The following PLCB1 variants were observed in gnomAD, a reference collection of about 807,000 sequenced individuals.
The protein encoded by PLCB1 is 1-phosphatidylinositol 4,5-bisphosphate phosphodiesterase beta-1.
Under a neutral mutation model 161.8 loss-of-function variants are expected in PLCB1, and 46 were observed. The observed-to-expected ratio is 0.28, with a 90% CI of 0.22 to 0.36. The LOEUF (loss-of-function observed/expected upper bound fraction) is 0.36. Ranked by LOEUF, PLCB1 falls within the 10% of genes least tolerant of loss-of-function variation. PLCB1 has a pLI of 1.00. For synonymous variants in PLCB1, 517 were observed against 503.7 expected (o/e 1.03, Z -0.35); for missense variants, 1,016 against 1,472.5 (o/e 0.69, Z 5.07).
At chr20:8,806,412 A>G (rs1984540212) in intron 31 of PLCB1, among the ~76,000 whole-genome samples, 1 of 152,126 alleles carries the variant, frequency 6.6e-6, no homozygotes, top group Non-Finnish European at 1.5e-5. Context: ...CTAAAGCAGC[A>G]GGATTGAGGA....
intron 3 of PLCB1, among the ~76,000 whole-genome samples, chr20:8,605,227 A>G (rs569685467): frequency 3.3e-4 from 50 of 152,292 alleles, no homozygotes; most frequent in African/African-American, 1.1e-3. Context: ...TCACACATAT[A>G]TAGAGTACAG....
intron 31 of PLCB1, among the ~76,000 whole-genome samples, chr20:8,843,066 G>A (rs151239924): frequency 5.9e-5 from 9 of 152,316 alleles, no homozygotes; most frequent in Non-Finnish European, 1.3e-4. Context: ...CTTTGCAATT[G>A]AGAGTAATGG....
intron 3 of PLCB1, among the ~76,000 whole-genome samples, chr20:8,473,627 C>T (rs1982149322): frequency 6.6e-6 from 1 of 152,160 alleles, no homozygotes; most frequent in Non-Finnish European, 1.5e-5. Context: ...TGCCACAGCT[C>T]TAGTGCAATA....
At chr20:8,874,804 A>G (rs566271910) in intron 31 of PLCB1, among the ~76,000 whole-genome samples, 6 of 152,014 alleles carry the variant, frequency 3.9e-5, no homozygotes, top group Admixed American at 1.3e-4. Flanking sequence ...TACAAAAATA[A>G]ATATCTTAGT....
At chr20:8,724,017 C>T (rs974050557) in intron 15 of PLCB1, among the ~76,000 whole-genome samples, 28 of 151,370 alleles carry the variant, frequency 1.8e-4, no homozygotes, top group Admixed American at 1.7e-3. Flanking sequence ...TTTACGAATC[C>T]GATGAGAACA....
intron 2 of PLCB1, among the ~76,000 whole-genome samples, chr20:8,191,867 A>T (rs2051974251): frequency 6.6e-6 from 1 of 151,964 alleles, no homozygotes; most frequent in Non-Finnish European, 1.5e-5. Context: ...TCCAAAGGTG[A>T]TGATTACTGG....
intron 2 of PLCB1, among the ~76,000 whole-genome samples, chr20:8,177,214 A>G (rs1451684346): frequency 6.6e-6 from 1 of 152,140 alleles, no homozygotes; most frequent in East Asian, 1.9e-4. Context: ...TGCCCTCATG[A>G]ATGGGATTTT....
intron 31 of PLCB1, among the ~76,000 whole-genome samples, chr20:8,818,957 A>AG (rs1443018182): frequency 6.6e-6 from 1 of 152,038 alleles, no homozygotes; most frequent in Non-Finnish European, 1.5e-5. Flanking sequence ...AAAAAAAAAA[A>AG]AAAGTTCTCC....
At chr20:8,547,227 C>T (rs955378584) in intron 3 of PLCB1, among the ~76,000 whole-genome samples, 3 of 152,188 alleles carry the variant, frequency 2.0e-5, no homozygotes, top group Admixed American at 6.5e-5. Flanking sequence ...TGTCATCTTA[C>T]GGCTCGCTCT....
At chr20:8,788,804 C>A in intron 29 of PLCB1, 82 bp downstream of exon 29, 1 of 834,810 alleles carries the variant, frequency 1.2e-6, no homozygotes, top group Non-Finnish European at 1.9e-6. Context: ...GGTTCATAAC[C>A]AGTCAAAGAC....
chr20:8,774,550 G>A lies in PLCB1; in HGVS notation c.2942G>A (p.Ser981Asn), dbSNP rs779771720. Reference sequence around the variant, plus strand: ...CTGTGTCTTTGCAGATCGGAACCCAGCAGCCCTGATCATGGTTCATCAACG... The same window carrying A: ...CTGTGTCTTTGCAGATCGGAACCCAACAGCCCTGATCATGGTTCATCAACG... ...KKDSKKKSEPSSPDHGSSTIE... is the reference protein window; with the variant it reads ...KKDSKKKSEPNSPDHGSSTIE... The change falls in exon 27 of 32, where the codon AGC becomes AAC. Residue 981 changes from serine (S) to asparagine (N), a missense_variant. This residue lies in a region of PLCB1 where 398 missense variants were observed against 445.4 expected (regional missense o/e 0.89). Coordinates refer to ENST00000338037, the MANE Select transcript of PLCB1 (RefSeq NM_015192.4). The A allele has an allele frequency of 1.9e-6, 3 of 1,610,950 alleles. No homozygotes were observed. Among genetic ancestry groups the A allele is most frequent in the Non-Finnish European group, 2.5e-6 (3 of 1,177,748 alleles).
chr20:8,673,526 G>A (rs73597545), intron 9 of PLCB1, among the ~76,000 whole-genome samples: 2,883 of 152,218 alleles, frequency 0.019, 107 homozygotes, highest in African/African-American at 0.065. Context: ...TCTTTCTTCC[G>A]CATATTTGTT....
intron 2 of PLCB1, among the ~76,000 whole-genome samples, chr20:8,276,423 G>A (rs1982547452): frequency 6.6e-6 from 1 of 152,148 alleles, no homozygotes; most frequent in South Asian, 2.1e-4. Context: ...CTGCCTCACA[G>A]TATGGTTGTG....
intron 31 of PLCB1, among the ~76,000 whole-genome samples, chr20:8,826,722 A>G (rs544732501): frequency 4.6e-5 from 7 of 152,332 alleles, no homozygotes; most frequent in East Asian, 1.9e-4. Flanking sequence ...ACCCTAAATC[A>G]TCTTTGCCAA....
chr20:8,860,001 G>A (rs1258460674), intron 31 of PLCB1, among the ~76,000 whole-genome samples: 2 of 152,200 alleles, frequency 1.3e-5, no homozygotes, highest in Non-Finnish European at 2.9e-5. Flanking sequence ...GTTAAAGCCT[G>A]ATAGGAGAAG....
intron 3 of PLCB1, among the ~76,000 whole-genome samples, chr20:8,451,393 G>A (rs1270279741): frequency 1.3e-5 from 2 of 152,016 alleles, no homozygotes; most frequent in South Asian, 2.1e-4. Flanking sequence ...TGTCACCCAG[G>A]CTGAAGTGCA....
intron 3 of PLCB1, among the ~76,000 whole-genome samples, chr20:8,462,331 A>C (rs559472426): frequency 6.6e-6 from 1 of 152,260 alleles, no homozygotes; most frequent in East Asian, 1.9e-4. Context: ...TATCACTGGT[A>C]ATGACATGAC....
chr20:8,759,870 G>A (rs1981926092), intron 24 of PLCB1, among the ~76,000 whole-genome samples: 1 of 138,218 alleles, frequency 7.2e-6, no homozygotes, highest in Non-Finnish European at 1.6e-5. Flanking sequence ...CTTTTCTCTC[G>A]TTATAAATGG....
At chr20:8,375,138 T>C (rs1987030237) in intron 3 of PLCB1, among the ~76,000 whole-genome samples, 1 of 152,218 alleles carries the variant, frequency 6.6e-6, no homozygotes, top group Non-Finnish European at 1.5e-5. Flanking sequence ...ACTTGGGAGA[T>C]CTTTATCCAA....
Sources: gnomAD v4.1 joint callset for allele counts (sites outside exome capture counted in the v4.1 genomes callset) on GRCh38, gnomAD v4.1.1 for gene constraint, gnomAD v4.1.1 regional missense constraint, MANE v1.5 for transcripts, NCBI Gene and HGNC (gene_info 2026-07-23, HGNC 2026-07-21) for gene names.